The following BACH1 variants were observed in gnomAD, a reference collection of about 807,000 sequenced individuals.
BACH1 encodes transcription regulator protein BACH1.
In BACH1, 35 loss-of-function variants were observed where a neutral mutation model predicts 52.9. That is an observed-to-expected ratio of 0.66 (90% confidence interval 0.51 to 0.88). The LOEUF (loss-of-function observed/expected upper bound fraction) is 0.88, where lower values mean the gene tolerates loss of function less well. BACH1 is among the 40% of genes least tolerant of loss of function. The pLI is 0.00. For synonymous variants in BACH1, 321 were observed against 319.6 expected (o/e 1.00, Z -0.05); for missense variants, 808 against 872.6 (o/e 0.93, Z 0.93).
chr21:29,359,821 A>G (rs1263175008), intron 2 of BACH1, among the ~76,000 whole-genome samples: 3 of 152,198 alleles, frequency 2.0e-5, no homozygotes, highest in Non-Finnish European at 4.4e-5. Context: ...CATCCTGGCC[A>G]TATTAATTGA....
At chr21:29,342,363 A>G (rs1422871986) in intron 4 of BACH1, 36 bp from the exon 5 acceptor site, 1 of 1,576,304 alleles carries the variant, frequency 6.3e-7, no homozygotes, top group South Asian at 1.1e-5. Context: ...GAGCTAATAA[A>G]CACAAGCCAT....
intron 4 of BACH1, among the ~76,000 whole-genome samples, chr21:29,330,536 C>T (rs1012588328): frequency 1.6e-4 from 24 of 152,206 alleles, no homozygotes; most frequent in African/African-American, 5.5e-4. Flanking sequence ...TTAGTTTACT[C>T]CTCTTTCTTT....
chr21:29,358,248 T>C (rs2089246848), intron 2 of BACH1, among the ~76,000 whole-genome samples: 1 of 152,180 alleles, frequency 6.6e-6, no homozygotes, highest in South Asian at 2.1e-4. Flanking sequence ...AGGGCTAATA[T>C]CTTTAATCTT....
chr21:29,354,788 T>C (rs1665270585), intron 2 of BACH1, among the ~76,000 whole-genome samples: 1 of 152,254 alleles, frequency 6.6e-6, no homozygotes, highest in African/African-American at 2.4e-5. Context: ...AGGAGGAAGA[T>C]TTGGGCCAAA....
downstream of BACH1, among the ~76,000 whole-genome samples, chr21:29,348,602 G>T (rs2089184494): frequency 6.6e-6 from 1 of 152,152 alleles, no homozygotes; most frequent in African/African-American, 2.4e-5. Flanking sequence ...CATTCCTGGG[G>T]GAAAGACCAC....
At position 29,329,690 on chromosome 21, in the gene BACH1, G is replaced by T; in HGVS notation, c.1773G>T (p.Lys591Asn). ...AGAATCTTGAATCAGAAATTGAGAAGCTGGTAAGTGTAAAAGTTTCTTGTT... is the reference window on the plus strand; with the variant it reads ...AGAATCTTGAATCAGAAATTGAGAATCTGGTAAGTGTAAAAGTTTCTTGTT... ...CIQNLESEIE[K>N]LQSEKESLLK... Residue 591 changes from lysine (K) to asparagine (N), a missense_variant, in exon 4 of 5, where the codon AAG becomes AAT. Transcript: ENST00000286800. 1 of 1,511,286 alleles carries T rather than the reference G, an allele frequency of 6.6e-7. No homozygotes were observed. The highest frequency in any genetic ancestry group is 8.9e-7 in the Non-Finnish European group (1 of 1,129,650). 93.6% of individuals were successfully genotyped at this position (1,511,286 alleles called of 1,614,324 possible).
chr21:29,304,101 T>C (rs1475967203), intron 1 of BACH1, among the ~76,000 whole-genome samples: 2 of 151,992 alleles, frequency 1.3e-5, no homozygotes, highest in Non-Finnish European at 2.9e-5. Flanking sequence ...ATTTTTGTAA[T>C]AAACTAGTTA....
rs577253658 is a variant in BACH1 at position 29,345,939 on chromosome 21, T to C, written c.*3106T>C. The stretch of plus-strand genomic sequence containing the variant: ...AACATTGATTTTTTTATATCTTTCA[T>C]AATATAATTTTCTAACAATGCAATA... On this transcript the variant is annotated 3_prime_UTR_variant, in exon 5 of 5. Coordinates refer to ENST00000286800, the MANE Select transcript of BACH1 (RefSeq NM_001186.4). 1.3e-5 allele frequency: 2 copies of C among 152,766 alleles called. No homozygotes were observed. Among genetic ancestry groups the C allele is most frequent in the African/African-American group, 2.4e-5 (1 of 41,580 alleles). 9.5% of individuals were successfully genotyped at this position (152,766 alleles called of 1,614,324 possible). A position where few individuals can be genotyped will look rare whatever the true frequency, so the allele number is the denominator to read the frequency against.
At chr21:29,312,223 T>G (rs939096826) in intron 1 of BACH1, among the ~76,000 whole-genome samples, 3 of 152,182 alleles carry the variant, frequency 2.0e-5, no homozygotes, top group Non-Finnish European at 4.4e-5. Context: ...GGGGGAATTT[T>G]CATTCTTTGC....
intron 1 of BACH1, among the ~76,000 whole-genome samples, chr21:29,310,562 G>C (rs533240372): frequency 1.3e-5 from 2 of 152,332 alleles, no homozygotes; most frequent in South Asian, 4.1e-4. Context: ...ATATGAGAGT[G>C]TTCAGCAAGT....
At chr21:29,334,548 T>C (rs1014122825) in intron 4 of BACH1, among the ~76,000 whole-genome samples, 6 of 152,232 alleles carry the variant, frequency 3.9e-5, no homozygotes, top group African/African-American at 1.4e-4. Flanking sequence ...TATACATATC[T>C]CTGATAACCA....
chr21:29,319,533 CA>C (rs754751824), intron 1 of BACH1, among the ~76,000 whole-genome samples: 3 of 151,518 alleles, frequency 2.0e-5, no homozygotes, highest in Non-Finnish European at 2.9e-5. Context: ...AGGGACATAC[CA>C]GAAAACTGGT....
intron 4 of BACH1, among the ~76,000 whole-genome samples, chr21:29,337,713 G>C (rs926835370): frequency 6.6e-6 from 1 of 152,116 alleles, no homozygotes; most frequent in Admixed American, 6.5e-5. Flanking sequence ...GTGGGGGAGT[G>C]GGGAGGGATA....
At chr21:29,313,885 T>TG (rs74926461) in intron 1 of BACH1, among the ~76,000 whole-genome samples, 13 of 152,136 alleles carry the variant, frequency 8.5e-5, no homozygotes, top group South Asian at 6.2e-4. Context: ...TTGTCTTGGT[T>TG]GGGGGGGGTG....
chr21:29,341,027 T>A (rs1283725219), intron 4 of BACH1, among the ~76,000 whole-genome samples: 1 of 152,042 alleles, frequency 6.6e-6, no homozygotes, highest in Non-Finnish European at 1.5e-5. Context: ...GGAGAATACT[T>A]TGCCATATAA....
At chr21:29,327,470 A>C in intron 3 of BACH1, 77 bp downstream of exon 3, 5 of 1,513,386 alleles carry the variant, frequency 3.3e-6, no homozygotes, top group Non-Finnish European at 4.4e-6. Context: ...CTCCCTTTGC[A>C]TCATTAGGGA....
intron 2 of BACH1, among the ~76,000 whole-genome samples, 166 bp downstream of exon 2, chr21:29,321,680 T>A (rs2088850337): frequency 6.7e-6 from 1 of 149,924 alleles, no homozygotes. Context: ...TAATGTAAAA[T>A]CATTAATTTT....
Position 29,321,485 on chromosome 21 carries a change from G to T in BACH1, c.205G>T (p.Gly69Ter). The change falls in exon 2 of 5, where the codon GGA becomes TGA. Residue 69 changes from glycine (G) to a stop codon, truncating the protein, a stop_gained. Transcript: ENST00000286800. LOFTEE classifies it high-confidence loss of function. ...FHSRIVGQAD[G>*]ELNITLPEEV... The stretch of plus-strand genomic sequence containing the variant: ...CTCAAGAATCGTAGGCCAGGCTGAT[G>T]GAGAGCTGAACATTACTCTTCCAGA... The T allele has an allele frequency of 6.2e-7, 1 of 1,614,118 alleles. No individual in the cohort carries two copies. Among genetic ancestry groups the T allele is most frequent in the Non-Finnish European group, 8.5e-7 (1 of 1,180,000 alleles).
intron 1 of BACH1, among the ~76,000 whole-genome samples, chr21:29,312,384 G>A (rs558466773): frequency 7.9e-5 from 12 of 152,292 alleles, no homozygotes; most frequent in African/African-American, 2.6e-4. Flanking sequence ...ATGGGAATGA[G>A]ATGAGGATAC....
Sources: allele counts gnomAD v4.1 joint callset (sites outside exome capture counted in the v4.1 genomes callset), GRCh38; gene constraint gnomAD v4.1.1; transcripts MANE v1.5; gene names NCBI Gene and HGNC (gene_info 2026-07-23, HGNC 2026-07-21).